Variants in TENM3 observed in about 807,000 individuals in gnomAD.
The protein encoded by TENM3 is teneurin transmembrane protein 3.
Under a neutral mutation model 255.1 loss-of-function variants are expected in TENM3, and 63 were observed. That is an observed-to-expected ratio of 0.25 (90% CI 0.20 to 0.30). The LOEUF is 0.30. TENM3 is among the 10% of genes least tolerant of loss of function. The pLI is 1.00. For synonymous variants in TENM3, 1,306 were observed against 1,322.3 expected (o/e 0.99, Z 0.27); for missense variants, 2,929 against 3,461.1 (o/e 0.85, Z 3.86).
At chr4:182,759,588 T>C (rs900370175) in intron 22 of TENM3, among the ~76,000 whole-genome samples, 2 of 152,260 alleles carry the variant, frequency 1.3e-5, no homozygotes, top group African/African-American at 4.8e-5. Context: ...ATTCCAATAA[T>C]TAAACAAAAT....
the TENM3 span, among the ~76,000 whole-genome samples, chr4:181,550,201 T>G: frequency 1.3e-5 from 2 of 152,182 alleles, no homozygotes; most frequent in African/African-American, 4.8e-5. Context: ...GAGAAACAGA[T>G]TTTTTTCCCC....
intron 3 of TENM3, among the ~76,000 whole-genome samples, chr4:182,502,298 T>C (rs1736394838): frequency 6.6e-6 from 1 of 152,184 alleles, no homozygotes; most frequent in African/African-American, 2.4e-5. Flanking sequence ...CGGTGCTGTG[T>C]ACTTCATTCA....
At chr4:182,389,406 T>C (rs1054362659) in intron 3 of TENM3, among the ~76,000 whole-genome samples, 24 of 149,522 alleles carry the variant, frequency 1.6e-4, no homozygotes, top group Non-Finnish European at 3.0e-5. Context: ...AAAAGAACTA[T>C]GCCCAGGCCA....
In TENM3 at chr4:182,212,485, G is replaced by T. The variant is rs545351079; in HGVS notation, c.-76+67731G>T. ...TCAGGGCTCTGACTAATAATAAAAGGTCAGTGATTGGAGGCTGTCTTTATC... is the reference window on the plus strand; with the variant it reads ...TCAGGGCTCTGACTAATAATAAAAGTTCAGTGATTGGAGGCTGTCTTTATC... On this transcript the variant is annotated intron_variant, in intron 1 of 2. Transcript: ENST00000512480. 5.3e-5 allele frequency among the ~76,000 whole-genome samples: 8 copies of T among 151,842 alleles called. No homozygotes were observed. In the East Asian group the frequency reaches 5.8e-4, roughly 11 times the overall value.
the TENM3 span, among the ~76,000 whole-genome samples, chr4:181,809,446 A>T: frequency 1.2e-4 from 19 of 152,332 alleles, 1 homozygote; most frequent in East Asian, 3.7e-3. Flanking sequence ...GGGTGTTTGT[A>T]TAAACAGGTG....
chr4:181,506,054 A>G, the TENM3 span, among the ~76,000 whole-genome samples: 1 of 152,224 alleles, frequency 6.6e-6, no homozygotes, highest in African/African-American at 2.4e-5. Context: ...GGTTGATCAT[A>G]TGAAGACAAG....
chr4:181,769,706 A>T, the TENM3 span, among the ~76,000 whole-genome samples: 4 of 152,004 alleles, frequency 2.6e-5, no homozygotes, highest in Admixed American at 6.6e-5. Context: ...GATTTGTGGA[A>T]TTTTTTTGCC....
At chr4:181,987,545 T>A in the TENM3 span, among the ~76,000 whole-genome samples, 2 of 152,218 alleles carry the variant, frequency 1.3e-5, no homozygotes, top group Non-Finnish European at 2.9e-5. Flanking sequence ...AACTGAAACC[T>A]GAATCACTAG....
chr4:182,755,067 G>A lies in TENM3; in HGVS notation c.4700G>A (p.Arg1567Lys). Residue 1567 changes from arginine to lysine, a missense_variant, in exon 22 of 28, where the codon AGA becomes AAA. This residue lies in a region of TENM3 where 1,608 missense variants were observed against 1,884.4 expected (regional missense o/e 0.85). Transcript: ENST00000511685. The part of the protein sequence containing the change: ...TDSNGNTLRI[R>K]RDPNRMPVRV... ...AGCAATGGCAACACCCTTAGAATTA[G>A]ACGGGACCCAAATCGCATGCCAGTT... 1.2e-6 allele frequency: 2 copies of A among 1,614,012 alleles called. No individual in the cohort carries two copies. The highest frequency in any genetic ancestry group is 1.7e-6 in the Non-Finnish European group (2 of 1,179,900).
chr4:182,336,614 G>A (rs1216372836), intron 2 of TENM3, among the ~76,000 whole-genome samples: 1 of 152,168 alleles, frequency 6.6e-6, no homozygotes, highest in African/African-American at 2.4e-5. Context: ...CACCTTTCCA[G>A]ATGGCCAGAT....
the TENM3 span, among the ~76,000 whole-genome samples, chr4:182,138,149 A>G: frequency 6.6e-6 from 1 of 152,188 alleles, no homozygotes; most frequent in Non-Finnish European, 1.5e-5. Context: ...AAACATTTCC[A>G]TTCTACTGAA....
rs376881999 is a variant in TENM3, at chr4:182,755,000, T to C, written c.4633T>C (p.Phe1545Leu). 1.2e-6 allele frequency: 2 copies of C among 1,613,886 alleles called. No individual in the cohort carries two copies. Among genetic ancestry groups the C allele is most frequent in the African/African-American group, 2.7e-5 (2 of 74,932 alleles). The change falls in exon 22 of 28, where the codon TTT (phenylalanine) becomes CTT (leucine). Residue 1545 changes from phenylalanine (F) to leucine (L), a missense_variant. By Grantham distance (22) the Phe-to-Leu change is conservative. Transcript: ENST00000511685. The surrounding 1 kb of genome is among the most constrained non-coding windows in gnomAD (Gnocchi z 5.1). Reference sequence around the variant, plus strand: ...AGTCACTGGTGATTACCTTTACAATTTTAGCTACAGCAATGACAATGATAT... The same window carrying C: ...AGTCACTGGTGATTACCTTTACAATCTTAGCTACAGCAATGACAATGATAT... ...SLVTGDYLYN[F>L]SYSNDNDITA...
At chr4:182,167,233 G>A (rs998949288) in intron 1 of TENM3, among the ~76,000 whole-genome samples, 1 of 152,162 alleles carries the variant, frequency 6.6e-6, no homozygotes, top group South Asian at 2.1e-4. Context: ...GAGAGGATAG[G>A]GAAAGACATC....
chr4:182,312,745 A>G (rs1429439349), intron 1 of TENM3, among the ~76,000 whole-genome samples: 1 of 152,174 alleles, frequency 6.6e-6, no homozygotes, highest in Non-Finnish European at 1.5e-5. Flanking sequence ...GGTATGATGG[A>G]TATTGGTTGA....
At chr4:181,856,519 A>T in the TENM3 span, among the ~76,000 whole-genome samples, 1 of 152,152 alleles carries the variant, frequency 6.6e-6, no homozygotes. Context: ...TCTGTAGTGT[A>T]CCCTACATAG....
intron 3 of TENM3, among the ~76,000 whole-genome samples, chr4:182,347,628 T>C (rs969026072): frequency 1.6e-4 from 1 of 6,132 alleles, no homozygotes; most frequent in African/African-American, 2.0e-4. Flanking sequence ...TTATAAATTA[T>C]TGGGACTTTT....
At chr4:181,655,206 G>C in the TENM3 span, among the ~76,000 whole-genome samples, 1 of 152,140 alleles carries the variant, frequency 6.6e-6, no homozygotes, top group East Asian at 1.9e-4. Context: ...GTTTCAGAGG[G>C]ACCTTAAAAA....
At chr4:182,362,454 C>T (rs1259425629) in intron 3 of TENM3, among the ~76,000 whole-genome samples, 8 of 152,102 alleles carry the variant, frequency 5.3e-5, no homozygotes, top group South Asian at 4.2e-4. Flanking sequence ...GCCTCACTGC[C>T]ACCTTGCAGT....
At chr4:182,560,318 T>TA (rs1269058028) in intron 3 of TENM3, among the ~76,000 whole-genome samples, 1 of 152,176 alleles carries the variant, frequency 6.6e-6, no homozygotes, top group African/African-American at 2.4e-5. Flanking sequence ...ATGTGTGTTT[T>TA]ACAATTTTTT....
Sources: allele counts gnomAD v4.1 joint callset (sites outside exome capture counted in the v4.1 genomes callset), GRCh38; gene constraint gnomAD v4.1.1; regional missense constraint gnomAD v4.1.1; non-coding constraint Gnocchi (gnomAD v3.1); transcripts MANE v1.5; gene names NCBI Gene and HGNC (gene_info 2026-07-23, HGNC 2026-07-21).